BRWD1: variants seen among roughly 807,000 people sequenced by gnomAD.
BRWD1 encodes bromodomain and WD repeat-containing protein 1.
BRWD1 carries 82 observed loss-of-function variants against 251.2 expected under a neutral mutation model. That is an observed-to-expected ratio of 0.33 (90% CI 0.27 to 0.39). The LOEUF (loss-of-function observed/expected upper bound fraction) is 0.39. Among genes scored for constraint, BRWD1 ranks in the 10% least tolerant of loss-of-function variants. BRWD1 has a pLI of 1.00. For synonymous variants in BRWD1, 918 were observed against 902.8 expected (o/e 1.02, Z -0.30); for missense variants, 2,233 against 2,711.6 (o/e 0.82, Z 3.92).
In BRWD1 at chr21:39,196,029, T is replaced by G; in HGVS notation, c.*230A>C. On this transcript the variant is annotated 3_prime_UTR_variant, in exon 41 of 41. Transcript: ENST00000342449. ...TATATGTAGTCAAATACTGTCAAAA[T>G]AGATCTGCCCCCAAAATGAAGCATA... 1 of 1,249,792 alleles carries G rather than the reference T, an allele frequency of 8.0e-7. No individual in the cohort carries two copies. Among genetic ancestry groups the G allele is most frequent in the Non-Finnish European group, 1.0e-6 (1 of 996,820 alleles). 77.4% of individuals were successfully genotyped at this position (1,249,792 alleles called of 1,614,324 possible).
chr21:39,300,761 G>A (rs2036088711), intron 4 of BRWD1, among the ~76,000 whole-genome samples: 1 of 152,202 alleles, frequency 6.6e-6, no homozygotes, highest in Admixed American at 6.5e-5. Context: ...AATAGAAGCA[G>A]ACCTAGAGAT....
At chr21:39,309,898 TTGA>T (rs2036421534) in intron 4 of BRWD1, among the ~76,000 whole-genome samples, 1 of 151,884 alleles carries the variant, frequency 6.6e-6, no homozygotes, top group African/African-American at 2.4e-5. Flanking sequence ...ATATTGGCAC[TTGA>T]TGATATAATA....
chr21:39,313,700 G>A, upstream of BRWD1: 1 of 367,222 alleles, frequency 2.7e-6, no homozygotes, highest in South Asian at 5.0e-5. Flanking sequence ...CCTCCGCGGG[G>A]GGCGGGGGTT....
intron 29 of BRWD1, among the ~76,000 whole-genome samples, chr21:39,220,652 G>C (rs745678363): frequency 5.9e-5 from 9 of 152,086 alleles, no homozygotes; most frequent in Admixed American, 1.3e-4. Flanking sequence ...ACCAGAATTG[G>C]CACATATGTT....
intron 31 of BRWD1, among the ~76,000 whole-genome samples, chr21:39,216,233 T>A (rs1012235886): frequency 6.6e-6 from 1 of 152,160 alleles, no homozygotes; most frequent in Admixed American, 6.5e-5. Context: ...TTACCAGTGC[T>A]CTAGAAGCCA....
chr21:39,288,102 T>C (rs1476367003), intron 8 of BRWD1, among the ~76,000 whole-genome samples: 2 of 152,220 alleles, frequency 1.3e-5, no homozygotes, highest in Non-Finnish European at 2.9e-5. Context: ...TAGGGGGATC[T>C]GCTTCCAAAA....
chr21:39,270,397 A>T lies in BRWD1; in HGVS notation c.1281T>A (p.Pro427=). 1 of 1,611,944 alleles carries T rather than the reference A, an allele frequency of 6.2e-7. No homozygotes were observed. ...LSSEEERFMK[P]KVTMIAWNQN... is the part of the protein sequence containing the mutation. ...GATTCCAAGCTATCATTGTTACTTT[A>T]GGTTTCATAAACCTTTCCTCTTCGG... The change falls in exon 14 of 41, where the codon CCT becomes CCA. Residue 427 remains proline (P), a synonymous_variant. Coordinates refer to ENST00000342449, the MANE Select transcript of BRWD1 (RefSeq NM_033656.4).
intron 22 of BRWD1, among the ~76,000 whole-genome samples, chr21:39,237,353 C>G (rs1281638346): frequency 6.6e-6 from 1 of 151,880 alleles, no homozygotes; most frequent in African/African-American, 2.4e-5. Context: ...AAATCAGAGT[C>G]AAAGAGGAAA....
intron 8 of BRWD1, among the ~76,000 whole-genome samples, chr21:39,287,401 T>G (rs1348226999): frequency 6.6e-6 from 1 of 152,220 alleles, no homozygotes; most frequent in Admixed American, 6.5e-5. Context: ...CTTGGGAGAT[T>G]AGCGCCAAAC....
chr21:39,218,432 G>A (rs995434879), intron 30 of BRWD1, 73 bp downstream of exon 30: 37 of 1,443,974 alleles, frequency 2.6e-5, no homozygotes, highest in Admixed American at 1.7e-4. Context: ...CCTCAATTAT[G>A]CTAGTATTTT....
intron 4 of BRWD1, 190 bp downstream of exon 4, chr21:39,312,651 C>T (rs950104751): frequency 1.2e-5 from 5 of 419,750 alleles, no homozygotes; most frequent in Middle Eastern, 7.2e-4. Flanking sequence ...ATGACTGTTT[C>T]CTGCCAAAAC....
chr21:39,211,031 C>A, intron 34 of BRWD1, 102 bp from the exon 35 acceptor site: 1 of 1,190,582 alleles, frequency 8.4e-7, no homozygotes, highest in South Asian at 1.6e-5. Flanking sequence ...ACAATAATGT[C>A]ATATATGTTG....
At chr21:39,282,031 A>T (rs6517537) in intron 8 of BRWD1, among the ~76,000 whole-genome samples, 5 of 151,482 alleles carry the variant, frequency 3.3e-5, no homozygotes, top group Non-Finnish European at 5.9e-5. Flanking sequence ...TCTATGTATA[A>T]GTATATGTAT....
chr21:39,280,560 G>T (rs1243068150), intron 8 of BRWD1, among the ~76,000 whole-genome samples: 1 of 151,672 alleles, frequency 6.6e-6, no homozygotes, highest in Non-Finnish European at 1.5e-5. Flanking sequence ...GACAAAACAG[G>T]GTACACTGAT....
chr21:39,270,700 T>C lies in BRWD1; in HGVS notation c.1245-267A>G, dbSNP rs7277830. 4.6e-3 allele frequency among the ~76,000 whole-genome samples: 708 copies of C among 152,316 alleles called. 11 individuals carry two copies. The highest frequency in any genetic ancestry group is 0.017 in the African/African-American group (689 of 41,576). ...CCATTACTGCTTATGAAAGCAATGC[T>C]TTTTCTCCCTACTTCTTTCCTATTA... On this transcript the variant is annotated intron_variant, in intron 13 of 40. Transcript: ENST00000342449.
rs2031632083 is a variant in BRWD1, at chr21:39,192,993, T to G, written c.*3266A>C. ...GCACCCCTTATTCTAAGTGATAATT[T>G]TTACTTACGAGGTCATAACGAGTGC... is the stretch of plus-strand genomic sequence containing the variant. On this transcript the variant is annotated 3_prime_UTR_variant, in exon 41 of 41. Transcript: ENST00000342449. 1 of 985,086 alleles carries G rather than the reference T, an allele frequency of 1.0e-6. No homozygotes were observed. The highest frequency in any genetic ancestry group is 1.7e-5 in the African/African-American group (1 of 57,322). 61.0% of individuals were successfully genotyped at this position (985,086 alleles called of 1,614,324 possible). A position where few individuals can be genotyped will look rare whatever the true frequency, so the allele number is the denominator to read the frequency against.
At chr21:39,239,232 T>C (rs576277566) in intron 21 of BRWD1, among the ~76,000 whole-genome samples, 1 of 152,308 alleles carries the variant, frequency 6.6e-6, no homozygotes, top group African/African-American at 2.4e-5. Flanking sequence ...GTGCTTTTGA[T>C]ATTGTATCTA....
At chr21:39,224,539 T>C in intron 28 of BRWD1, 70 bp from the exon 29 acceptor site, 2 of 1,037,292 alleles carry the variant, frequency 1.9e-6, no homozygotes, top group Non-Finnish European at 2.9e-6. Context: ...GTATCCATTA[T>C]AAAAATACAA....
intron 19 of BRWD1, among the ~76,000 whole-genome samples, chr21:39,252,463 C>G (rs985715095): frequency 2.0e-5 from 3 of 152,052 alleles, no homozygotes; most frequent in Admixed American, 6.5e-5. Context: ...AGTCAGAAAA[C>G]AAATTTTTAA....
Sources: allele counts gnomAD v4.1 joint callset (sites outside exome capture counted in the v4.1 genomes callset), GRCh38; gene constraint gnomAD v4.1.1; transcripts MANE v1.5; gene names NCBI Gene and HGNC (gene_info 2026-07-23, HGNC 2026-07-21).